CCN4: variants seen among roughly 807,000 people sequenced by gnomAD.
CCN4 encodes CCN family member 4.
In CCN4, 30 loss-of-function variants were observed where a neutral mutation model predicts 36.7. The ratio of observed to expected loss-of-function variants is 0.82; its 90% CI spans 0.61 to 1.11. CCN4 has a LOEUF of 1.11. Ranked by LOEUF, CCN4 falls within the 50% of genes least tolerant of loss-of-function variation. The pLI is 0.00. For missense variants in CCN4, 505 were observed against 504.9 expected, an observed-to-expected ratio of 1.00 and a Z score of 0.00; for synonymous variants, 191 against 195.4, an observed-to-expected ratio of 0.98 and a Z score of 0.19.
intron 2 of CCN4, among the ~76,000 whole-genome samples, chr8:133,215,922 T>G (rs552956848): frequency 6.6e-6 from 1 of 152,098 alleles, no homozygotes; most frequent in South Asian, 2.1e-4. Flanking sequence ...CATAATAAAT[T>G]TTTTAGATGT....
chr8:133,202,336 T>C lies in CCN4; in HGVS notation c.70-10528T>C, dbSNP rs186009568. ...CTTGGGCTGTAGTTTTTGACCTTTATAATGCGGTTGCCTGTTTTACGTTCC... is the reference window on the plus strand; with the variant it reads ...CTTGGGCTGTAGTTTTTGACCTTTACAATGCGGTTGCCTGTTTTACGTTCC... On this transcript the variant is annotated intron_variant, in intron 1 of 4. Coordinates refer to ENST00000250160, the MANE Select transcript of CCN4 (RefSeq NM_003882.4). 2.7e-4 allele frequency among the ~76,000 whole-genome samples: 41 copies of C among 152,326 alleles called. No homozygotes were observed. The East Asian group carries it at 6.0e-3, about 22-fold the overall frequency.
At chr8:133,217,980 G>A (rs910113851) in intron 2 of CCN4, among the ~76,000 whole-genome samples, 44 of 60,544 alleles carry the variant, frequency 7.3e-4, no homozygotes, top group Middle Eastern at 0.01. Context: ...GAGAGACAGC[G>A]TGCAGGCAGA....
At chr8:133,209,150 C>T (rs559230488) in intron 1 of CCN4, among the ~76,000 whole-genome samples, 52 of 152,300 alleles carry the variant, frequency 3.4e-4, no homozygotes, top group Non-Finnish European at 5.1e-4. Context: ...TGCTGGAGGG[C>T]GGAAACCGCC....
At position 133,220,712 on chromosome 8, in the gene CCN4, C is replaced by T. The variant is rs776694942; in HGVS notation, c.481C>T (p.Arg161Cys). ...VGCTPLCLRV[R>C]PPRLWCPHPR... ...CTGCACACCACTGTGCCTCCGAGTG[C>T]GCCCCCCGCGTCTCTGGTGCCCCCA... Residue 161 changes from arginine (R) to cysteine (C), a missense_variant, in exon 3 of 5, where the codon CGC becomes TGC. Transcript: ENST00000250160. 20 of 1,613,718 alleles carry T rather than the reference C, an allele frequency of 1.2e-5. No individual in the cohort carries two copies. The highest frequency in any genetic ancestry group is 2.2e-5 in the East Asian group (1 of 44,864).
chr8:133,218,982 G>C (rs1262323631), intron 2 of CCN4, among the ~76,000 whole-genome samples: 1 of 151,982 alleles, frequency 6.6e-6, no homozygotes, highest in African/African-American at 2.4e-5. Flanking sequence ...AGTCCTGGCA[G>C]CTCTCCTTCC....
intron 3 of CCN4, among the ~76,000 whole-genome samples, chr8:133,222,514 G>A (rs1204986113): frequency 2.6e-5 from 4 of 151,720 alleles, no homozygotes; most frequent in Admixed American, 2.0e-4. Context: ...TCATCTGCTT[G>A]GAGCTGCTGG....
rs761494783 is a variant in CCN4 at position 133,227,918 on chromosome 8, T to C, written c.*208T>C. Reference sequence around the variant, plus strand: ...CTCCTTGATATCATTCAGCATCTACTCTAAAGAAAAATGCCTGTCTCTAGC... The same window carrying C: ...CTCCTTGATATCATTCAGCATCTACCCTAAAGAAAAATGCCTGTCTCTAGC... On this transcript the variant is annotated 3_prime_UTR_variant, in exon 5 of 5. Transcript: ENST00000250160. The C allele has an allele frequency of 5.1e-6, 3 of 592,024 alleles. No individual in the cohort carries two copies. Among genetic ancestry groups the C allele is most frequent in the Non-Finnish European group, 8.6e-6 (3 of 347,586 alleles). The allele number at this position is 592,024 out of a possible 1,614,324, so 36.7% of individuals were successfully genotyped here. A position where few individuals can be genotyped will look rare whatever the true frequency, so the allele number is the denominator to read the frequency against.
At chr8:133,205,997 A>G (rs1853757746) in intron 1 of CCN4, among the ~76,000 whole-genome samples, 1 of 152,172 alleles carries the variant, frequency 6.6e-6, no homozygotes, top group Non-Finnish European at 1.5e-5. Flanking sequence ...ATTGTCCACT[A>G]AAGATAAGGG....
chr8:133,210,984 A>G (rs1588192829), intron 1 of CCN4, among the ~76,000 whole-genome samples: 1 of 152,220 alleles, frequency 6.6e-6, no homozygotes. Flanking sequence ...CCTATGGGAG[A>G]TGAAAGCTTC....
chr8:133,213,636 T>G (rs4354288), intron 2 of CCN4, among the ~76,000 whole-genome samples: 1 of 150,010 alleles, frequency 6.7e-6, no homozygotes, highest in African/African-American at 2.4e-5. Flanking sequence ...CTCAGTTACT[T>G]CAGTCACTTA....
chr8:133,196,153 C>T (rs545436909), intron 1 of CCN4, among the ~76,000 whole-genome samples: 1 of 152,340 alleles, frequency 6.6e-6, no homozygotes, highest in East Asian at 1.9e-4. Flanking sequence ...TCACACTGAG[C>T]ATGTGCCCAC....
At position 133,230,244 on chromosome 8, in the gene CCN4, T is replaced by C. The variant is rs922430001; in HGVS notation, c.*2534T>C. On this transcript the variant is annotated 3_prime_UTR_variant, in exon 5 of 5. Coordinates refer to ENST00000250160, the MANE Select transcript of CCN4 (RefSeq NM_003882.4). Reference sequence around the variant, plus strand: ...GGGTTGAAGCCATGGAGAAGGAAATTTGGATCCAATGTAATGAAGCGCTTT... The same window carrying C: ...GGGTTGAAGCCATGGAGAAGGAAATCTGGATCCAATGTAATGAAGCGCTTT... 1 of 152,184 alleles carries C rather than the reference T, an allele frequency of 6.6e-6. No individual in the cohort carries two copies. The highest frequency in any genetic ancestry group is 2.4e-5 in the African/African-American group (1 of 41,426). 9.4% of individuals were successfully genotyped at this position (152,184 alleles called of 1,614,324 possible). A position where few individuals can be genotyped will look rare whatever the true frequency, so the allele number is the denominator to read the frequency against.
At chr8:133,218,197 C>T (rs1854396518) in intron 2 of CCN4, among the ~76,000 whole-genome samples, 3 of 152,150 alleles carry the variant, frequency 2.0e-5, no homozygotes, top group African/African-American at 7.2e-5. Flanking sequence ...GAGAGCTTTC[C>T]TGTCCATCAA....
chr8:133,211,439 G>C (rs1355807225), intron 1 of CCN4, among the ~76,000 whole-genome samples: 1 of 152,250 alleles, frequency 6.6e-6, no homozygotes, highest in Non-Finnish European at 1.5e-5. Flanking sequence ...AGTAGAAGCT[G>C]TTGTAATGAG....
At chr8:133,198,563 G>A (rs1173910603) in intron 1 of CCN4, among the ~76,000 whole-genome samples, 3 of 152,030 alleles carry the variant, frequency 2.0e-5, no homozygotes, top group South Asian at 2.1e-4. Flanking sequence ...CCTGAGTTCC[G>A]CCTCTGTGCA....
intron 1 of CCN4, among the ~76,000 whole-genome samples, chr8:133,204,086 G>A (rs1434255043): frequency 6.6e-6 from 1 of 152,070 alleles, no homozygotes; most frequent in Non-Finnish European, 1.5e-5. Context: ...ATGATTGAAG[G>A]GATCACTTCA....
In CCN4 at chr8:133,220,748, G is replaced by A. The variant is rs146832510; in HGVS notation, c.517G>A (p.Val173Met). 442 of 1,613,500 alleles carry A rather than the reference G, an allele frequency of 2.7e-4. 1 individual carries two copies. The highest frequency in any genetic ancestry group is 2.5e-4 in the African/African-American group (19 of 75,062). The change falls in exon 3 of 5, where the codon GTG becomes ATG. Residue 173 changes from valine to methionine, a missense_variant. Val to Met is a conservative substitution (Grantham distance 21). Transcript: ENST00000250160. The stretch of plus-strand genomic sequence containing the variant: ...TCTCTGGTGCCCCCACCCGCGGCGC[G>A]TGAGCATACCTGGCCACTGCTGTGA... ...PRLWCPHPRR[V>M]SIPGHCCEQW...
chr8:133,227,586 G>C lies in CCN4; in HGVS notation c.980G>C (p.Gly327Ala), dbSNP rs552724025. 1 of 1,614,050 alleles carries C rather than the reference G, an allele frequency of 6.2e-7. No individual in the cohort carries two copies. Among genetic ancestry groups the C allele is most frequent in the African/African-American group, 1.3e-5 (1 of 74,902 alleles). Reference protein sequence around the residue: ...TIDVSFQCPDGLGFSRQVLWI... With the variant: ...TIDVSFQCPDALGFSRQVLWI... The stretch of plus-strand genomic sequence containing the variant: ...GACGTGTCCTTCCAGTGTCCTGATG[G>C]GCTTGGCTTCTCCCGCCAGGTCCTA... The change falls in exon 5 of 5, where the codon GGG becomes GCG. Residue 327 changes from glycine to alanine, a missense_variant. Transcript: ENST00000250160.
chr8:133,198,334 C>T (rs1387179996), intron 1 of CCN4, among the ~76,000 whole-genome samples: 2 of 152,182 alleles, frequency 1.3e-5, no homozygotes, highest in East Asian at 1.9e-4. Flanking sequence ...TCTCTTTTGT[C>T]AATCCTCAAA....
Sources: gnomAD v4.1 joint callset for allele counts (sites outside exome capture counted in the v4.1 genomes callset) on GRCh38, gnomAD v4.1.1 for gene constraint, MANE v1.5 for transcripts, NCBI Gene and HGNC (gene_info 2026-07-23, HGNC 2026-07-21) for gene names.